The following TBC1D5 variants were observed in gnomAD, a reference collection of about 807,000 sequenced individuals.
The protein encoded by TBC1D5 is TBC1 domain family, member 5.
TBC1D5 carries 75 observed loss-of-function variants against 100.3 expected under a neutral mutation model. The ratio of observed to expected loss-of-function variants is 0.75; its 90% CI spans 0.62 to 0.91. TBC1D5 has a LOEUF of 0.91. Ranked by LOEUF, TBC1D5 falls within the 40% of genes least tolerant of loss-of-function variation. The probability of loss-of-function intolerance (pLI) is 0.00; values close to 1 mark genes in which losing one functional copy is unlikely to be tolerated. For synonymous variants in TBC1D5, 323 were observed against 325.6 expected (o/e 0.99, Z 0.09); for missense variants, 910 against 942.4 (o/e 0.97, Z 0.45).
rs530753847 is a variant in TBC1D5, at chr3:17,303,407, G to T, written c.1138+4585C>A. On this transcript the variant is annotated intron_variant, in intron 14 of 21. Transcript: ENST00000253692. The stretch of plus-strand genomic sequence containing the variant: ...TGAATAATTGACTGGTTCAATAAAA[G>T]CTGTTTTCTTGGTCACTCTTTTTCA... Among the ~76,000 whole-genome samples, 32 of 152,286 alleles carry T rather than the reference G, an allele frequency of 2.1e-4. 1 individual carries two copies. Among genetic ancestry groups the T allele is most frequent in the South Asian group, 1.2e-3 (6 of 4,824 alleles).
chr3:17,621,908 G>A (rs189361473), intron 2 of TBC1D5, among the ~76,000 whole-genome samples: 8 of 152,274 alleles, frequency 5.3e-5, no homozygotes, highest in African/African-American at 1.9e-4. Context: ...CAACTGAAAT[G>A]TTTAATTTAT....
chr3:17,704,532 C>T (rs866950753), intron 1 of TBC1D5, among the ~76,000 whole-genome samples: 1 of 90,846 alleles, frequency 1.1e-5, no homozygotes, highest in African/African-American at 3.9e-5. Context: ...CCGGACGGGG[C>T]GGCTGGCCGG....
At chr3:17,609,601 T>G (rs1001058915) in intron 2 of TBC1D5, among the ~76,000 whole-genome samples, 2 of 152,172 alleles carry the variant, frequency 1.3e-5, no homozygotes, top group African/African-American at 4.8e-5. Flanking sequence ...TTATCTTTTT[T>G]GGGGGTTTGG....
intron 13 of TBC1D5, among the ~76,000 whole-genome samples, chr3:17,334,611 T>A (rs2087398052): frequency 6.6e-6 from 1 of 152,198 alleles, no homozygotes. Flanking sequence ...TGCTTCTTAA[T>A]GATGCCTTCA....
At chr3:17,291,251 C>T (rs1322844522) in intron 15 of TBC1D5, among the ~76,000 whole-genome samples, 2 of 152,126 alleles carry the variant, frequency 1.3e-5, no homozygotes, top group African/African-American at 2.4e-5. Context: ...TTTTTTAGAT[C>T]ATTAAATGTT....
chr3:17,713,804 T>C (rs1475077830), intron 1 of TBC1D5, among the ~76,000 whole-genome samples: 4 of 152,128 alleles, frequency 2.6e-5, no homozygotes, highest in African/African-American at 4.8e-5. Context: ...TTAGTCATCA[T>C]GGAAATGCAA....
intron 4 of TBC1D5, among the ~76,000 whole-genome samples, chr3:17,421,093 C>T (rs73161409): frequency 0.091 from 13,869 of 152,098 alleles, 1,429 homozygotes; most frequent in African/African-American, 0.26. Flanking sequence ...TAGAGGGTAA[C>T]ATTTTTTCAA....
chr3:17,673,568 G>C (rs1216888019), intron 1 of TBC1D5, among the ~76,000 whole-genome samples: 2 of 151,626 alleles, frequency 1.3e-5, no homozygotes, highest in Non-Finnish European at 2.9e-5. Context: ...GCCTGCCTCA[G>C]CCTCCCAAAG....
At chr3:17,372,592 A>G (rs2092519607) in intron 12 of TBC1D5, among the ~76,000 whole-genome samples, 1 of 152,208 alleles carries the variant, frequency 6.6e-6, no homozygotes, top group Non-Finnish European at 1.5e-5. Flanking sequence ...ACAATTAGGT[A>G]AAATCAAGAA....
chr3:17,430,283 G>A (rs572949654), intron 3 of TBC1D5, among the ~76,000 whole-genome samples: 8 of 151,696 alleles, frequency 5.3e-5, no homozygotes, highest in Middle Eastern at 3.4e-3. Flanking sequence ...CTTCTTTCTC[G>A]TTAAAACTAA....
At chr3:17,192,013 A>T (rs974339956) in intron 18 of TBC1D5, among the ~76,000 whole-genome samples, 2 of 152,192 alleles carry the variant, frequency 1.3e-5, no homozygotes, top group Non-Finnish European at 2.9e-5. Context: ...AGTAGTAGGT[A>T]AACAATGATT....
intron 15 of TBC1D5, among the ~76,000 whole-genome samples, chr3:17,268,513 T>C (rs1001969726): frequency 2.0e-4 from 30 of 152,260 alleles, no homozygotes; most frequent in South Asian, 1.0e-3. Flanking sequence ...CATGTGCTTT[T>C]ATATTAATAA....
In TBC1D5 at chr3:17,491,644, C is replaced by A. The variant is rs536956209; in HGVS notation, c.97+16830G>T. ...CATATGCTGAACCAGCCTTGCATCC[C>A]GGGGATGAGGTCGACTTGATAATGG... On this transcript the variant is annotated intron_variant, in intron 3 of 21. Transcript: ENST00000253692. 1.2e-4 allele frequency among the ~76,000 whole-genome samples: 19 copies of A among 152,192 alleles called. No homozygotes were observed. The South Asian group carries it at 3.5e-3, about 28-fold the overall frequency.
chr3:17,711,156 G>C (rs918071735), intron 1 of TBC1D5, among the ~76,000 whole-genome samples: 1 of 152,144 alleles, frequency 6.6e-6, no homozygotes, highest in Non-Finnish European at 1.5e-5. Context: ...AATAAAGACA[G>C]AAGTCTTGAG....
At chr3:17,209,490 G>A (rs759023070) in intron 18 of TBC1D5, among the ~76,000 whole-genome samples, 3 of 152,074 alleles carry the variant, frequency 2.0e-5, no homozygotes, top group Admixed American at 6.5e-5. Context: ...GATTTCTCTC[G>A]AGAGTATTAT....
chr3:17,313,361 A>G (rs921923731), intron 13 of TBC1D5, among the ~76,000 whole-genome samples: 2 of 152,182 alleles, frequency 1.3e-5, no homozygotes, highest in Non-Finnish European at 2.9e-5. Flanking sequence ...AACGAATTTT[A>G]GGCTCCATGA....
At chr3:17,323,834 G>C (rs944489179) in intron 13 of TBC1D5, among the ~76,000 whole-genome samples, 3 of 152,132 alleles carry the variant, frequency 2.0e-5, no homozygotes, top group African/African-American at 4.8e-5. Context: ...ACCCTAAAAT[G>C]TGAATTGAAG....
exon 1 of TBC1D5, chr3:17,740,793 G>A (rs2154007883): frequency 6.6e-6 from 1 of 152,134 alleles, no homozygotes; most frequent in East Asian, 1.9e-4. Context: ...TCAGAGACCA[G>A]GATTTTTTTC....
intron 2 of TBC1D5, among the ~76,000 whole-genome samples, chr3:17,540,905 CAAAAAAAAAA>C (rs71634807): frequency 1.2e-3 from 39 of 31,460 alleles, no homozygotes; most frequent in Admixed American, 6.8e-3. Flanking sequence ...GGCTCCATCT[CAAAAAAAAAA>C]AAAAAAAAAA....
Sources: gnomAD v4.1 joint callset for allele counts (sites outside exome capture counted in the v4.1 genomes callset) on GRCh38, gnomAD v4.1.1 for gene constraint, MANE v1.5 for transcripts, NCBI Gene and HGNC (gene_info 2026-07-23, HGNC 2026-07-21) for gene names.